Variants in SH3PXD2B observed in about 807,000 individuals in gnomAD.
SH3PXD2B encodes SH3 and PX domain-containing protein 2B.
Under a neutral mutation model 73.1 loss-of-function variants are expected in SH3PXD2B, and 37 were observed. That is an observed-to-expected ratio of 0.51 (90% confidence interval 0.39 to 0.67). SH3PXD2B has a LOEUF of 0.67. Among genes scored for constraint, SH3PXD2B ranks in the 30% least tolerant of loss-of-function variants. SH3PXD2B has a pLI of 0.00. For synonymous variants in SH3PXD2B, 457 were observed against 480.5 expected (o/e 0.95, Z 0.64); for missense variants, 1,053 against 1,197.8 (o/e 0.88, Z 1.78).
At chr5:172,430,664 T>C (rs947786479) in intron 1 of SH3PXD2B, among the ~76,000 whole-genome samples, 2 of 152,218 alleles carry the variant, frequency 1.3e-5, no homozygotes, top group African/African-American at 4.8e-5. Flanking sequence ...GGAGCTGACA[T>C]TGAGAGGAAG....
At chr5:172,330,646 C>T (rs966448208), downstream of SH3PXD2B, among the ~76,000 whole-genome samples, 5 of 152,166 alleles carry the variant, frequency 3.3e-5, no homozygotes, top group Admixed American at 3.3e-4. Context: ...TTCCAAATTC[C>T]TATCGACATT....
intron 1 of SH3PXD2B, among the ~76,000 whole-genome samples, chr5:172,454,021 G>A (rs1759865029): frequency 1.3e-5 from 2 of 151,478 alleles, no homozygotes; most frequent in Admixed American, 1.3e-4. Flanking sequence ...AGGGGTAGAG[G>A]AGCCGCAGGG....
intron 4 of SH3PXD2B, among the ~76,000 whole-genome samples, chr5:172,392,619 CAA>C (rs566564799): frequency 6.0e-5 from 7 of 116,646 alleles, no homozygotes; most frequent in Non-Finnish European, 9.5e-5. Context: ...ACTAAAAATA[CAA>C]AAAAAAAAAA....
At chr5:172,399,833 C>A (rs1758387664) in intron 3 of SH3PXD2B, among the ~76,000 whole-genome samples, 1 of 152,162 alleles carries the variant, frequency 6.6e-6, no homozygotes, top group African/African-American at 2.4e-5. Context: ...TTACCTGCTA[C>A]ACAAAATTAT....
At chr5:172,360,359 G>A (rs1025273466) in intron 7 of SH3PXD2B, among the ~76,000 whole-genome samples, 1 of 152,170 alleles carries the variant, frequency 6.6e-6, no homozygotes, top group South Asian at 2.1e-4. Context: ...GGAAGCCGAG[G>A]CTCAGCAACT....
chr5:172,334,209 A>G lies in SH3PXD2B; in HGVS notation c.*4160T>C. 2 of 1,092,852 alleles carry G rather than the reference A, an allele frequency of 1.8e-6. 1 individual carries two copies. The highest frequency in any genetic ancestry group is 4.9e-5 in the South Asian group (2 of 40,526). The allele number at this position is 1,092,852 out of a possible 1,614,324, so 67.7% of individuals were successfully genotyped here. A position where few individuals can be genotyped will look rare whatever the true frequency, so the allele number is the denominator to read the frequency against. ...AGAATAGCACCAGAAACCAGATGCCACCCCACGGAGCTGGGCAGTCCAGTC... is the reference window on the plus strand; with the variant it reads ...AGAATAGCACCAGAAACCAGATGCCGCCCCACGGAGCTGGGCAGTCCAGTC... On this transcript the variant is annotated 3_prime_UTR_variant, in exon 13 of 13. Transcript: ENST00000311601.
intron 10 of SH3PXD2B, among the ~76,000 whole-genome samples, chr5:172,349,279 G>A (rs1757101442): frequency 6.6e-6 from 1 of 152,234 alleles, no homozygotes; most frequent in Admixed American, 6.5e-5. Flanking sequence ...AGGGGCAGTG[G>A]CCTCATCTCT....
At position 172,353,744 on chromosome 5, in the gene SH3PXD2B, A is replaced by C; in HGVS notation, c.785+144T>G. On this transcript the variant is annotated intron_variant, in intron 9 of 12. Transcript: ENST00000311601. The surrounding 1 kb of genome is among the most constrained non-coding windows in gnomAD (Gnocchi z 4.3). The stretch of plus-strand genomic sequence containing the variant: ...AGGGAGGCCACACAACACAGAGGAG[A>C]AGTATCCTTTTATGGTTCAGGCGGA... 7 of 741,956 alleles carry C rather than the reference A, an allele frequency of 9.4e-6. No individual in the cohort carries two copies. The South Asian group carries it at 1.0e-4, about 11-fold the overall frequency. 46.0% of individuals were successfully genotyped at this position (741,956 alleles called of 1,614,324 possible).
intron 1 of SH3PXD2B, among the ~76,000 whole-genome samples, chr5:172,429,963 G>C (rs1342524517): frequency 6.6e-6 from 1 of 152,138 alleles, no homozygotes; most frequent in Non-Finnish European, 1.5e-5. Context: ...TGGAGTTCTA[G>C]GGTCACAATG....
At chr5:172,365,252 C>T (rs1405522486) in intron 6 of SH3PXD2B, among the ~76,000 whole-genome samples, 3 of 152,176 alleles carry the variant, frequency 2.0e-5, no homozygotes, top group African/African-American at 4.8e-5. Context: ...TCACAGCCTA[C>T]AGACAGCACA....
At chr5:172,440,361 G>A (rs1206086229) in intron 1 of SH3PXD2B, among the ~76,000 whole-genome samples, 1 of 152,228 alleles carries the variant, frequency 6.6e-6, no homozygotes, top group African/African-American at 2.4e-5. Context: ...CCTGCCTCCA[G>A]CAGCCATTTT....
rs758874880 is a variant in SH3PXD2B, at chr5:172,337,762, G to T, written c.*607C>A. The stretch of plus-strand genomic sequence containing the variant: ...TGAGCGGATCTCCAGGCCCACTCCT[G>T]GGGGAGCCGCATCCAGTGGAACCTC... On this transcript the variant is annotated 3_prime_UTR_variant, in exon 13 of 13. Coordinates refer to ENST00000311601, the MANE Select transcript of SH3PXD2B (RefSeq NM_001017995.3). 2.0e-6 allele frequency: 2 copies of T among 996,484 alleles called. No homozygotes were observed. The highest frequency in any genetic ancestry group is 4.5e-5 in the South Asian group (1 of 22,440). 61.7% of individuals were successfully genotyped at this position (996,484 alleles called of 1,614,324 possible).
chr5:172,402,424 G>A (rs918065354), intron 3 of SH3PXD2B, among the ~76,000 whole-genome samples: 1 of 152,136 alleles, frequency 6.6e-6, no homozygotes, highest in Non-Finnish European at 1.5e-5. Flanking sequence ...TTATTACCTT[G>A]TGAAGCATGT....
chr5:172,339,794 C>T lies in SH3PXD2B; in HGVS notation c.1311G>A (p.Leu437=). ...KTSNASRPNF[L]APLPHEVTQL... ...GGGTCACCTCGTGGGGCAGGGGAGC[C>T]AGAAAGTTGGGTCTCGACGCGTTGC... is the stretch of plus-strand genomic sequence containing the variant. The change falls in exon 13 of 13, where the codon CTG becomes CTA. Residue 437 remains leucine, a synonymous_variant. Transcript: ENST00000311601. The surrounding 1 kb of genome is among the most constrained non-coding windows in gnomAD (Gnocchi z 6.1). 6.2e-7 allele frequency: 1 copy of T among 1,613,222 alleles called. No individual in the cohort carries two copies. Among genetic ancestry groups the T allele is most frequent in the South Asian group, 1.1e-5 (1 of 91,080 alleles).
In SH3PXD2B at chr5:172,350,933, A is replaced by G. The variant is rs528241992; in HGVS notation, c.786-344T>C. 5.3e-5 allele frequency among the ~76,000 whole-genome samples: 8 copies of G among 152,292 alleles called. No homozygotes were observed. The South Asian group carries it at 1.7e-3, about 32-fold the overall frequency. ...TGGGGCCAAAGCCTGGCATAGACAG[A>G]TGGAGATCTGTTCACGCTGATGAAC... On this transcript the variant is annotated intron_variant, in intron 9 of 12. Transcript: ENST00000311601.
At chr5:172,439,413 C>A (rs1287163598) in intron 1 of SH3PXD2B, among the ~76,000 whole-genome samples, 1 of 152,036 alleles carries the variant, frequency 6.6e-6, no homozygotes, top group Non-Finnish European at 1.5e-5. Flanking sequence ...TTTCTTCACA[C>A]CTGGAAAATG....
intron 3 of SH3PXD2B, among the ~76,000 whole-genome samples, chr5:172,403,551 C>A (rs1193042746): frequency 6.6e-6 from 1 of 152,164 alleles, no homozygotes; most frequent in African/African-American, 2.4e-5. Context: ...GACCAAGTCC[C>A]TGGGAACGGC....
At chr5:172,349,473 G>T (rs552032607) in intron 10 of SH3PXD2B, among the ~76,000 whole-genome samples, 1 of 152,316 alleles carries the variant, frequency 6.6e-6, no homozygotes, top group Admixed American at 6.5e-5. Flanking sequence ...AACATTAAAT[G>T]GTAAAATATA....
intron 1 of SH3PXD2B, among the ~76,000 whole-genome samples, chr5:172,441,270 T>C (rs1016388701): frequency 4.6e-5 from 7 of 152,124 alleles, no homozygotes; most frequent in Admixed American, 6.5e-5. Flanking sequence ...GCCCAAATCA[T>C]ATAACTGGAA....
Sources: gnomAD v4.1 joint callset for allele counts (sites outside exome capture counted in the v4.1 genomes callset) on GRCh38, gnomAD v4.1.1 for gene constraint, Gnocchi (gnomAD v3.1) non-coding constraint, MANE v1.5 for transcripts, NCBI Gene and HGNC (gene_info 2026-07-23, HGNC 2026-07-21) for gene names.